The following TAS2R20 variants were observed in gnomAD, a reference collection of about 807,000 sequenced individuals.
The protein encoded by TAS2R20 is taste receptor type 2 member 20.
For synonymous variants in TAS2R20, 136 were observed against 127.1 expected (o/e 1.07, Z -0.47); for missense variants, 364 against 352.2 (o/e 1.03, Z -0.27).
chr12:10,996,898 C>A lies in TAS2R20; in HGVS notation c.*48G>T. On this transcript the variant is annotated 3_prime_UTR_variant, in exon 1 of 1. Transcript: ENST00000538986. ...GGGAAATATAAAATGTTCCAGACAC[C>A]ATCAATTTGTTTTCTGCTAGAAAAC... The A allele has an allele frequency of 2.0e-6, 3 of 1,498,012 alleles. No homozygotes were observed. Among genetic ancestry groups the A allele is most frequent in the Non-Finnish European group, 1.8e-6 (2 of 1,115,670 alleles). 92.8% of individuals were successfully genotyped at this position (1,498,012 alleles called of 1,614,324 possible).
chr12:10,997,113 G>A, the TAS2R20 span: 7 of 1,613,970 alleles, frequency 4.3e-6, no homozygotes, highest in Middle Eastern at 1.6e-4. Context: ...TCTTTTGGTC[G>A]CATCTTAAAA....
chr12:10,998,102 A>T lies in TAS2R20; in HGVS notation c.-227T>A, dbSNP rs774879023. On this transcript the variant is annotated 5_prime_UTR_variant, in exon 1 of 1. Coordinates refer to ENST00000538986, the MANE Select transcript of TAS2R20 (RefSeq NM_176889.4). ...AATACTGTTAGTCCCAAAACAACTC[A>T]AATTAATTCTTATTCATAAAGTCTC... 6.6e-6 allele frequency among the ~76,000 whole-genome samples: 1 copy of T among 152,200 alleles called. No homozygotes were observed. The highest frequency in any genetic ancestry group is 6.6e-5 in the Admixed American group (1 of 15,262).
the TAS2R20 span, chr12:10,997,000 TGAAA>T: frequency 4.3e-6 from 7 of 1,613,692 alleles, no homozygotes; most frequent in South Asian, 7.7e-5. Flanking sequence ...GCCACAAAAC[TGAAA>T]GAAAGGTCTG....
At position 10,997,173 on chromosome 12, in the gene TAS2R20, G is replaced by A; in HGVS notation, c.703C>T (p.Leu235Phe). The change falls in exon 1 of 1, where the codon CTC becomes TTC. Residue 235 changes from leucine to phenylalanine, a missense_variant. By Grantham distance (22) the Leu-to-Phe change is conservative (BLOSUM62 0). Coordinates refer to ENST00000538986, the MANE Select transcript of TAS2R20 (RefSeq NM_176889.4). ...IKALQTVTSF[L>F]ILLAIYFLCL... ...AGAAAGTAAATGGCAAGTAATATGAGGAAGGAGGTCACAGTTTGCAGAGCT... is the reference window on the plus strand; with the variant it reads ...AGAAAGTAAATGGCAAGTAATATGAAGAAGGAGGTCACAGTTTGCAGAGCT... 1 of 1,614,064 alleles carries A rather than the reference G, an allele frequency of 6.2e-7. No individual in the cohort carries two copies. The highest frequency in any genetic ancestry group is 1.7e-4 in the Middle Eastern group (1 of 6,060).
In TAS2R20 at chr12:10,996,933, A is replaced by G. The variant is rs1450839; in HGVS notation, c.*13T>C. 557,840 of 1,574,768 alleles carry G rather than the reference A, an allele frequency of 0.35. 110,006 individuals are homozygous for G. The highest frequency in any genetic ancestry group is 0.75 in the East Asian group (33,113 of 44,296). ...TTTTCTGCTAGAAAACACACAATGCACCTCTTGTGAATCTATGGAGTTGAC... is the reference window on the plus strand; with the variant it reads ...TTTTCTGCTAGAAAACACACAATGCGCCTCTTGTGAATCTATGGAGTTGAC... On this transcript the variant is annotated 3_prime_UTR_variant, in exon 1 of 1. Coordinates refer to ENST00000538986, the MANE Select transcript of TAS2R20 (RefSeq NM_176889.4).
chr12:10,997,302 G>A lies in TAS2R20; in HGVS notation c.574C>T (p.Leu192=), dbSNP rs543688513. ...TAGATTAACAGCAGAAAAGATATCA[G>A]GGTCAGAGTGAATGGTATCAAGTTT... ...LANLIPFTLT[L]ISFLLLIYSL... The change falls in exon 1 of 1, where the codon CTG becomes TTG. Residue 192 remains leucine, a synonymous_variant. Coordinates refer to ENST00000538986, the MANE Select transcript of TAS2R20 (RefSeq NM_176889.4). 3.7e-5 allele frequency: 60 copies of A among 1,614,102 alleles called. No homozygotes were observed. The highest frequency in any genetic ancestry group is 4.8e-5 in the Non-Finnish European group (57 of 1,179,998).
Position 10,996,960 on chromosome 12 carries a change from G to C in TAS2R20, c.916C>G (p.Gln306Glu). 6.2e-7 allele frequency: 1 copy of C among 1,610,066 alleles called. No homozygotes were observed. The highest frequency in any genetic ancestry group is 2.2e-5 in the East Asian group (1 of 44,784). ...QVTCWAKGQN[Q>E]STP ...CTCTTGTGAATCTATGGAGTTGACTGGTTCTGTCCTTTTGCCCAGCAAGTC... is the reference window on the plus strand; with the variant it reads ...CTCTTGTGAATCTATGGAGTTGACTCGTTCTGTCCTTTTGCCCAGCAAGTC... Residue 306 changes from glutamine to glutamate, a missense_variant, in exon 1 of 1, where the codon CAG (glutamine) becomes GAG (glutamate). Coordinates refer to ENST00000538986, the MANE Select transcript of TAS2R20 (RefSeq NM_176889.4).
Position 10,997,619 on chromosome 12 carries a change from T to C in TAS2R20, c.257A>G (p.Asn86Ser). The change falls in exon 1 of 1, where the codon AAT becomes AGT. Residue 86 changes from asparagine (N) to serine (S), a missense_variant. Coordinates refer to ENST00000538986, the MANE Select transcript of TAS2R20 (RefSeq NM_176889.4). ...SNLKVIIFISNAWAVTNHFSI... is the reference protein window; with the variant it reads ...SNLKVIIFISSAWAVTNHFSI... ...GAAATGATTGGTTACTGCCCAGGCA[T>C]TAGAAATAAAAATTATTACTTTTAA... 1 of 1,613,892 alleles carries C rather than the reference T, an allele frequency of 6.2e-7. No individual in the cohort carries two copies. Among genetic ancestry groups the C allele is most frequent in the Non-Finnish European group, 8.5e-7 (1 of 1,179,916 alleles).
Position 10,997,861 on chromosome 12 carries a change from T to C in TAS2R20, c.15A>G (p.Leu5=), listed in dbSNP as rs764787678. 1.3e-6 allele frequency: 2 copies of C among 1,595,258 alleles called. No homozygotes were observed. The highest frequency in any genetic ancestry group is 1.1e-5 in the South Asian group (1 of 87,448). MMSF[L]HIVFSILVVV... ...CTACTAGAATGGAAAAAACAATGTG[T>C]AGAAAACTCATCATGTCTAAACAAA... The change falls in exon 1 of 1, where the codon CTA becomes CTG. Residue 5 remains leucine, a synonymous_variant. Transcript: ENST00000538986.
Position 10,995,972 on chromosome 12 carries a change from C to A in TAS2R20, c.*974G>T, listed in dbSNP as rs995604751. Among the ~76,000 whole-genome samples, 1 of 151,942 alleles carries A rather than the reference C, an allele frequency of 6.6e-6. No individual in the cohort carries two copies. The highest frequency in any genetic ancestry group is 2.4e-5 in the African/African-American group (1 of 41,368). ...ATGTACACTAGATATATTTTTCACC[C>A]TTGAATTTTATTTTGTGCATTGTTA... On this transcript the variant is annotated 3_prime_UTR_variant, in exon 1 of 1. Transcript: ENST00000538986.
the TAS2R20 span, chr12:10,997,340 ACAGTCAAGTTGGAAAGGTGCATT>A: frequency 1.2e-6 from 2 of 1,614,122 alleles, no homozygotes; most frequent in African/African-American, 2.7e-5. Context: ...TAGCATGGCT[ACAGTCAAGTTGGAAAGGTGCATT>A]GCATTCCTCA....
chr12:10,996,492 T>C lies in TAS2R20; in HGVS notation c.*454A>G, dbSNP rs901665288. The C allele has an allele frequency of 1.3e-5, 2 of 152,604 alleles. No individual in the cohort carries two copies. Among genetic ancestry groups the C allele is most frequent in the Non-Finnish European group, 2.9e-5 (2 of 68,482 alleles). The allele number at this position is 152,604 out of a possible 1,614,324, so 9.5% of individuals were successfully genotyped here. A position where few individuals can be genotyped will look rare whatever the true frequency, so the allele number is the denominator to read the frequency against. Reference sequence around the variant, plus strand: ...AACACACTATGGTACATATACGTGATACAAATTACAACGAAAAACAGCAAT... The same window carrying C: ...AACACACTATGGTACATATACGTGACACAAATTACAACGAAAAACAGCAAT... On this transcript the variant is annotated 3_prime_UTR_variant, in exon 1 of 1. Transcript: ENST00000538986.
rs1022728446 is a variant in TAS2R20 at position 10,997,748 on chromosome 12, G to A, written c.128C>T (p.Ser43Leu). 2.0e-5 allele frequency: 33 copies of A among 1,613,796 alleles called. No homozygotes were observed. Among genetic ancestry groups the A allele is most frequent in the Non-Finnish European group, 2.6e-5 (31 of 1,179,920 alleles). The change falls in exon 1 of 1, where the codon TCA becomes TTA. Residue 43 changes from serine to leucine, a missense_variant. Coordinates refer to ENST00000538986, the MANE Select transcript of TAS2R20 (RefSeq NM_176889.4). The part of the protein sequence containing the change: ...IAWVKRQKIS[S>L]ADQIIAALAV... The stretch of plus-strand genomic sequence containing the variant: ...CAGAGCAGCAATAATTTGATCAGCT[G>A]AGGAGATCTTTTGTCTCTTGACCCA...
rs775772009 is a variant in TAS2R20, at chr12:10,997,636, T to C, written c.240A>G (p.Val80=). The change falls in exon 1 of 1, where the codon GTA becomes GTG. Residue 80 remains valine, a synonymous_variant. Coordinates refer to ENST00000538986, the MANE Select transcript of TAS2R20 (RefSeq NM_176889.4). Reference sequence around the variant, plus strand: ...CCCAGGCATTAGAAATAAAAATTATTACTTTTAAATTAGATGAAGTTGGAT... The same window carrying C: ...CCCAGGCATTAGAAATAAAAATTATCACTTTTAAATTAGATGAAGTTGGAT... The part of the protein sequence containing the change: ...VLNPTSSNLK[V]IIFISNAWAV... 3 of 1,613,704 alleles carry C rather than the reference T, an allele frequency of 1.9e-6. No homozygotes were observed. The highest frequency in any genetic ancestry group is 2.5e-6 in the Non-Finnish European group (3 of 1,179,836).
chr12:10,997,546 G>A lies in TAS2R20; in HGVS notation c.330C>T (p.Ile110=). ...TSLSIFYLLK[I]VNFSRLIFHH... is the part of the protein sequence containing the mutation. ...GAAAAATAAGTCTGGAGAAATTGAC[G>A]ATCTTGAGCAAATAAAATATGCTGA... Residue 110 remains isoleucine (I), a synonymous_variant, in exon 1 of 1, where the codon ATC becomes ATT. Coordinates refer to ENST00000538986, the MANE Select transcript of TAS2R20 (RefSeq NM_176889.4). 3.1e-6 allele frequency: 5 copies of A among 1,614,024 alleles called. No individual in the cohort carries two copies. The highest frequency in any genetic ancestry group is 1.1e-5 in the South Asian group (1 of 91,052).
In TAS2R20 at chr12:10,996,808, G is replaced by A. The variant is rs933510203; in HGVS notation, c.*138C>T. On this transcript the variant is annotated 3_prime_UTR_variant, in exon 1 of 1. Coordinates refer to ENST00000538986, the MANE Select transcript of TAS2R20 (RefSeq NM_176889.4). ...ATATACTTTTATATAATAAACTTAG[G>A]TAAAAGACTTTTCTATGTCAACTTT... 1 of 620,124 alleles carries A rather than the reference G, an allele frequency of 1.6e-6. No homozygotes were observed. The highest frequency in any genetic ancestry group is 2.5e-6 in the Non-Finnish European group (1 of 394,828). The allele number at this position is 620,124 out of a possible 1,614,324, so 38.4% of individuals were successfully genotyped here.
Position 10,996,855 on chromosome 12 carries a change from G to C in TAS2R20, c.*91C>G. 1 of 1,309,874 alleles carries C rather than the reference G, an allele frequency of 7.6e-7. No homozygotes were observed. The highest frequency in any genetic ancestry group is 1.0e-6 in the Non-Finnish European group (1 of 970,842). The allele number at this position is 1,309,874 out of a possible 1,614,324, so 81.1% of individuals were successfully genotyped here. A position where few individuals can be genotyped will look rare whatever the true frequency, so the allele number is the denominator to read the frequency against. The stretch of plus-strand genomic sequence containing the variant: ...CTTTTGGAAATTACTCAAATACATA[G>C]ACTACGGAAAAACTTGTGGGAAATA... On this transcript the variant is annotated 3_prime_UTR_variant, in exon 1 of 1. Transcript: ENST00000538986.
At position 10,997,642 on chromosome 12, in the gene TAS2R20, T is replaced by C. The variant is rs1398207688; in HGVS notation, c.234A>G (p.Leu78=). ...CATTAGAAATAAAAATTATTACTTT[T>C]AAATTAGATGAAGTTGGATTCAACA... The part of the protein sequence containing the change: ...STVLNPTSSN[L]KVIIFISNAW... Residue 78 remains leucine (L), a synonymous_variant, in exon 1 of 1, where the codon TTA becomes TTG. Transcript: ENST00000538986. The C allele has an allele frequency of 6.2e-7, 1 of 1,613,700 alleles. No individual in the cohort carries two copies.
rs919352094 is a variant in TAS2R20, at chr12:10,995,962, A to T, written c.*984T>A. The stretch of plus-strand genomic sequence containing the variant: ...ACACATAAAAATGTACACTAGATAT[A>T]TTTTTCACCCTTGAATTTTATTTTG... On this transcript the variant is annotated 3_prime_UTR_variant, in exon 1 of 1. Transcript: ENST00000538986. Among the ~76,000 whole-genome samples the T allele has an allele frequency of 3.3e-5, 5 of 151,984 alleles. No homozygotes were observed. Among genetic ancestry groups the T allele is most frequent in the African/African-American group, 1.2e-4 (5 of 41,410 alleles).
Sources: allele counts gnomAD v4.1 joint callset (sites outside exome capture counted in the v4.1 genomes callset), GRCh38; gene constraint gnomAD v4.1.1; transcripts MANE v1.5; gene names NCBI Gene and HGNC (gene_info 2026-07-23, HGNC 2026-07-21).